The following TNRC6A variants were observed in gnomAD, a reference collection of about 807,000 sequenced individuals.
The protein encoded by TNRC6A is trinucleotide repeat containing adaptor 6A.
Under a neutral mutation model 221.2 loss-of-function variants are expected in TNRC6A, and 44 were observed. The ratio of observed to expected loss-of-function variants is 0.20; its 90% CI spans 0.16 to 0.26. The LOEUF (loss-of-function observed/expected upper bound fraction) is 0.26, where lower values mean the gene tolerates loss of function less well. TNRC6A is among the 10% of genes least tolerant of loss of function. TNRC6A has a pLI of 1.00. For synonymous variants in TNRC6A, 847 were observed against 838.5 expected, an observed-to-expected ratio of 1.01 and a Z score of -0.18; for missense variants, 2,199 against 2,404.4, an observed-to-expected ratio of 0.91 and a Z score of 1.79.
intron 3 of TNRC6A, among the ~76,000 whole-genome samples, chr16:24,751,478 TA>T (rs557062605): frequency 1.3e-5 from 2 of 152,118 alleles, no homozygotes; most frequent in South Asian, 2.1e-4. Context: ...CAAAGTAAGT[TA>T]AAAAAATCTG....
chr16:24,616,494 G>C (rs990071650), intron 1 of TNRC6A, among the ~76,000 whole-genome samples: 1 of 152,032 alleles, frequency 6.6e-6, no homozygotes, highest in African/African-American at 2.4e-5. Context: ...CAGAAGCCAC[G>C]CAAAATATGA....
At chr16:24,757,679 ACATTG>A (rs1432392145) in intron 3 of TNRC6A, among the ~76,000 whole-genome samples, 9 of 152,228 alleles carry the variant, frequency 5.9e-5, no homozygotes, top group Admixed American at 5.9e-4. Flanking sequence ...GGAAGAGCAG[ACATTG>A]GAAGGCAGTG....
At chr16:24,727,041 T>C (rs1422416115), upstream of TNRC6A, among the ~76,000 whole-genome samples, 1 of 151,672 alleles carries the variant, frequency 6.6e-6, no homozygotes, top group Non-Finnish European at 1.5e-5. Flanking sequence ...TTTTTTTTTT[T>C]TCCCTAAGGT....
intron 2 of TNRC6A, among the ~76,000 whole-genome samples, chr16:24,735,884 G>T (rs1016977420): frequency 6.6e-6 from 1 of 152,104 alleles, no homozygotes; most frequent in Non-Finnish European, 1.5e-5. Context: ...TAAAAAATTG[G>T]CCGGGCACAG....
chr16:24,661,000 C>A (rs955136030), intron 2 of TNRC6A, among the ~76,000 whole-genome samples: 3 of 152,106 alleles, frequency 2.0e-5, no homozygotes, highest in African/African-American at 7.2e-5. Flanking sequence ...CTCGGCCTCC[C>A]AAAGTGCTGG....
At chr16:24,792,785 A>T (rs796456139) in intron 6 of TNRC6A, among the ~76,000 whole-genome samples, 1,258 of 120,546 alleles carry the variant, frequency 0.01, 113 homozygotes, top group African/African-American at 0.039. Flanking sequence ...TTGTGGCACA[A>T]TTTTTTTTTT....
intron 23 of TNRC6A, 112 bp from the exon 24 acceptor site, chr16:24,822,762 C>G (rs1414390271): frequency 1.4e-6 from 2 of 1,428,530 alleles, no homozygotes; most frequent in Admixed American, 1.9e-5. Flanking sequence ...AGAGTGGTGC[C>G]AGGAGCACAG....
At chr16:24,700,246 T>G (rs1000023206) in intron 2 of TNRC6A, among the ~76,000 whole-genome samples, 1 of 149,368 alleles carries the variant, frequency 6.7e-6, no homozygotes, top group African/African-American at 2.6e-5. Flanking sequence ...ATTTTTCTTT[T>G]TTTTTTTGAG....
At chr16:24,800,006 T>TTTTG (rs773775841) in intron 11 of TNRC6A, among the ~76,000 whole-genome samples, 63 of 152,166 alleles carry the variant, frequency 4.1e-4, no homozygotes, top group African/African-American at 1.1e-3. Flanking sequence ...AGTAGACTAG[T>TTTTG]TTTGTTTGTT....
intron 15 of TNRC6A, 51 bp from the exon 16 acceptor site, chr16:24,806,155 A>C (rs1239272191): frequency 6.2e-7 from 1 of 1,602,784 alleles, no homozygotes; most frequent in East Asian, 2.2e-5. Context: ...TTGGAAGCAC[A>C]CACTTTGTAA....
chr16:24,663,903 A>G (rs1424147043), intron 2 of TNRC6A: 2 of 456,480 alleles, frequency 4.4e-6, no homozygotes, highest in Admixed American at 2.3e-5. Context: ...ATCAGGCAGA[A>G]TATTTTAAGC....
At chr16:24,786,293 G>GT (rs71383716) in intron 5 of TNRC6A, among the ~76,000 whole-genome samples, 9,091 of 149,054 alleles carry the variant, frequency 0.061, 717 homozygotes, top group East Asian at 0.35. Flanking sequence ...GTCCTTTTTT[G>GT]TTTTTTTTTG....
chr16:24,691,900 A>G (rs2055762954), intron 2 of TNRC6A, among the ~76,000 whole-genome samples: 1 of 152,212 alleles, frequency 6.6e-6, no homozygotes, highest in Admixed American at 6.5e-5. Context: ...AGCGGCAATT[A>G]AAGGACCCAT....
At chr16:24,710,676 G>C (rs192346806) in intron 2 of TNRC6A, among the ~76,000 whole-genome samples, 2 of 151,598 alleles carry the variant, frequency 1.3e-5, no homozygotes, top group East Asian at 3.9e-4. Context: ...GAAGCATTTT[G>C]TTGGAGGTGT....
intron 1 of TNRC6A, among the ~76,000 whole-genome samples, chr16:24,634,097 A>G (rs985135459): frequency 6.6e-6 from 1 of 152,108 alleles, no homozygotes; most frequent in Non-Finnish European, 1.5e-5. Context: ...TATCTTTTTT[A>G]TCACTGTATA....
At chr16:24,698,803 T>G (rs1177913849) in intron 2 of TNRC6A, among the ~76,000 whole-genome samples, 1 of 152,172 alleles carries the variant, frequency 6.6e-6, no homozygotes, top group Non-Finnish European at 1.5e-5. Flanking sequence ...CTCTGCCTCC[T>G]GGGTTCAAGC....
In TNRC6A at chr16:24,825,865, C is replaced by G. The variant is rs1469000729; in HGVS notation, c.*2058C>G. The G allele has an allele frequency of 6.5e-6, 1 of 152,690 alleles. No homozygotes were observed. The highest frequency in any genetic ancestry group is 1.5e-5 in the Non-Finnish European group (1 of 68,068). The allele number at this position is 152,690 out of a possible 1,614,324, so 9.5% of individuals were successfully genotyped here. A position where few individuals can be genotyped will look rare whatever the true frequency, so the allele number is the denominator to read the frequency against. ...GGACTGGCCTTTTCTTCCCCCTTCACGGCCCTCGCTTCTCCCTGCAGGAGC... is the reference window on the plus strand; with the variant it reads ...GGACTGGCCTTTTCTTCCCCCTTCAGGGCCCTCGCTTCTCCCTGCAGGAGC... On this transcript the variant is annotated 3_prime_UTR_variant, in exon 25 of 25. Transcript: ENST00000395799.
At chr16:24,654,810 T>A (rs1902874382) in intron 2 of TNRC6A, among the ~76,000 whole-genome samples, 1 of 152,204 alleles carries the variant, frequency 6.6e-6, no homozygotes, top group South Asian at 2.1e-4. Context: ...GTAATTTTAC[T>A]AAATTACTAA....
chr16:24,795,855 C>A, intron 8 of TNRC6A, 52 bp from the exon 9 acceptor site: 2 of 1,499,344 alleles, frequency 1.3e-6, no homozygotes, highest in Non-Finnish European at 1.8e-6. Flanking sequence ...TTCCAAACCC[C>A]ATGTTCTTCC....
Sources: allele counts gnomAD v4.1 joint callset (sites outside exome capture counted in the v4.1 genomes callset), GRCh38; gene constraint gnomAD v4.1.1; transcripts MANE v1.5; gene names NCBI Gene and HGNC (gene_info 2026-07-23, HGNC 2026-07-21).